Variants in YWHAE observed in about 807,000 individuals in gnomAD.
YWHAE encodes the protein tyrosine 3-monooxygenase/tryptophan 5-monooxygenase activation protein epsilon.
In YWHAE, 4 loss-of-function variants were observed where a neutral mutation model predicts 30.1. That is an observed-to-expected ratio of 0.13 (90% CI 0.07 to 0.30). The LOEUF is 0.30. YWHAE is among the 10% of genes least tolerant of loss of function. YWHAE has a pLI of 1.00. For synonymous variants in YWHAE, 118 were observed against 111.8 expected (o/e 1.06, Z -0.35); for missense variants, 121 against 315.9 (o/e 0.38, Z 4.68).
chr17:1,361,315 A>G lies in YWHAE; in HGVS notation c.372-17T>C. The stretch of plus-strand genomic sequence containing the variant: ...TCCCCTTTCCTAAAACAAAACCAAA[A>G]TTAAAAAAAAAAAAAAAATTTAAAC... On this transcript the variant is annotated splice_polypyrimidine_tract_variant and intron_variant, in intron 3 of 5. Coordinates refer to ENST00000264335, the MANE Select transcript of YWHAE (RefSeq NM_006761.5). 6.7e-7 allele frequency: 1 copy of G among 1,499,974 alleles called. No individual in the cohort carries two copies. Among genetic ancestry groups the G allele is most frequent in the Non-Finnish European group, 8.8e-7 (1 of 1,131,084 alleles). The allele number at this position is 1,499,974 out of a possible 1,614,324, so 92.9% of individuals were successfully genotyped here. A position where few individuals can be genotyped will look rare whatever the true frequency, so the allele number is the denominator to read the frequency against.
At chr17:1,354,478 G>C (rs756391716) in intron 4 of YWHAE, 131 bp from the exon 5 acceptor site, 28 of 911,568 alleles carry the variant, frequency 3.1e-5, no homozygotes, top group Non-Finnish European at 4.2e-5. Context: ...CAAAGAAAAA[G>C]CAAATACAAT....
chr17:1,389,823 C>T (rs1444546416), intron 1 of YWHAE, among the ~76,000 whole-genome samples: 1 of 151,494 alleles, frequency 6.6e-6, no homozygotes, highest in East Asian at 1.9e-4. Context: ...AGCCACCGTA[C>T]CTGGCCAATT....
chr17:1,383,569 A>G (rs1340295746), intron 1 of YWHAE, among the ~76,000 whole-genome samples: 1 of 67,182 alleles, frequency 1.5e-5, no homozygotes, highest in African/African-American at 1.6e-4. Flanking sequence ...TTGTATTTTT[A>G]GTAGAGATGG....
intron 4 of YWHAE, among the ~76,000 whole-genome samples, chr17:1,358,901 G>A (rs556710520): frequency 1.6e-4 from 24 of 150,114 alleles, no homozygotes; most frequent in South Asian, 1.3e-3. Context: ...TTGGGAGGCC[G>A]AGGCGGGCAG....
intron 1 of YWHAE, 138 bp from the exon 2 acceptor site, chr17:1,365,196 T>C (rs1598243754): frequency 2.9e-6 from 3 of 1,033,080 alleles, no homozygotes; most frequent in South Asian, 3.4e-5. Context: ...TCAAAACTAA[T>C]ATGAGTAAAA....
intron 5 of YWHAE, among the ~76,000 whole-genome samples, chr17:1,345,819 A>G (rs2072508113): frequency 6.6e-6 from 1 of 152,192 alleles, no homozygotes; most frequent in South Asian, 2.1e-4. Flanking sequence ...CTTTCACATA[A>G]ATCTTGGGTC....
chr17:1,353,223 G>A (rs1443224641), intron 5 of YWHAE, among the ~76,000 whole-genome samples: 1 of 152,062 alleles, frequency 6.6e-6, no homozygotes, highest in East Asian at 1.9e-4. Context: ...TGGATCACAA[G>A]GTTAGGAGAT....
rs566935846 is a variant in YWHAE, at chr17:1,345,289, TAAAAAAA to T, written c.*151_*157del. The T allele has an allele frequency of 5.9e-6, 3 of 507,936 alleles. No homozygotes were observed. The highest frequency in any genetic ancestry group is 1.0e-5 in the Non-Finnish European group (3 of 299,230). The allele number at this position is 507,936 out of a possible 1,614,324, so 31.5% of individuals were successfully genotyped here. ...CCTTTAAGAACTTTTGAAAACTGTT[TAAAAAAA>T]AAAAAAAAAAACCAACAGGGCAGGA... On this transcript the variant is annotated 3_prime_UTR_variant, in exon 6 of 6. Transcript: ENST00000264335.
chr17:1,390,577 T>C (rs568484999), intron 1 of YWHAE, among the ~76,000 whole-genome samples: 1 of 152,160 alleles, frequency 6.6e-6, no homozygotes, highest in Non-Finnish European at 1.5e-5. Context: ...CCCTGCAAAT[T>C]AGTAGGCAAG....
chr17:1,347,326 C>A (rs118187252), intron 5 of YWHAE, among the ~76,000 whole-genome samples: 7,202 of 148,854 alleles, frequency 0.048, 249 homozygotes, highest in Middle Eastern at 0.072. Context: ...ATCGAGACTC[C>A]GTCTCAAAAA....
intron 5 of YWHAE, chr17:1,352,230 C>G (rs1224650335): frequency 6.6e-6 from 1 of 152,144 alleles, no homozygotes; most frequent in Non-Finnish European, 1.5e-5. Context: ...TAAGTAAGTC[C>G]TACGTATGTG....
At chr17:1,362,593 T>A (rs894186190) in intron 2 of YWHAE, among the ~76,000 whole-genome samples, 1 of 152,024 alleles carries the variant, frequency 6.6e-6, no homozygotes, top group South Asian at 2.1e-4. Flanking sequence ...TCTACCAAAG[T>A]AGCTACTGCC....
chr17:1,399,835 T>C (rs967817866), intron 1 of YWHAE: 1 of 423,156 alleles, frequency 2.4e-6, no homozygotes, highest in Non-Finnish European at 4.3e-6. Flanking sequence ...GGCCCGCGAG[T>C]TGTTTGCAGT....
At chr17:1,391,733 T>C (rs542044206) in intron 1 of YWHAE, among the ~76,000 whole-genome samples, 1 of 152,214 alleles carries the variant, frequency 6.6e-6, no homozygotes, top group East Asian at 1.9e-4. Context: ...TCCCTGCACT[T>C]TGGGGAGGCC....
intron 5 of YWHAE, chr17:1,347,838 TAGGTCAGCGCCCTGGA>T (rs1432670092): frequency 2.2e-6 from 1 of 464,206 alleles, no homozygotes; most frequent in African/African-American, 2.1e-5. Context: ...GGAAAAGGCT[TAGGTCAGCGCCCTGGA>T]AGGTGGAACA....
intron 1 of YWHAE, among the ~76,000 whole-genome samples, chr17:1,384,497 C>A (rs966217861): frequency 6.7e-6 from 1 of 150,112 alleles, no homozygotes; most frequent in East Asian, 2.0e-4. Flanking sequence ...CAAGACCATC[C>A]TGGCTAACAC....
intron 1 of YWHAE, among the ~76,000 whole-genome samples, chr17:1,370,344 G>A (rs1025120146): frequency 3.3e-5 from 5 of 151,896 alleles, no homozygotes; most frequent in Admixed American, 2.6e-4. Flanking sequence ...TGTTAGCCAG[G>A]ACGGTCTCGA....
intron 1 of YWHAE, among the ~76,000 whole-genome samples, chr17:1,398,431 G>C (rs894045283): frequency 9.3e-5 from 14 of 149,854 alleles, no homozygotes; most frequent in African/African-American, 3.4e-4. Flanking sequence ...ATGAGTTCTA[G>C]AGGCCTTGTC....
chr17:1,351,952 A>T (rs1388671612), intron 5 of YWHAE: 4 of 146,022 alleles, frequency 2.7e-5, no homozygotes, highest in African/African-American at 2.5e-5. Context: ...TGCACCCGGC[A>T]TTTTTTTTTT....
Sources: gnomAD v4.1 joint callset for allele counts (sites outside exome capture counted in the v4.1 genomes callset) on GRCh38, gnomAD v4.1.1 for gene constraint, MANE v1.5 for transcripts, NCBI Gene and HGNC (gene_info 2026-07-23, HGNC 2026-07-21) for gene names.